Variants in ATXN10 observed in about 807,000 individuals in gnomAD.
ATXN10 encodes ataxin-10.
In ATXN10, 28 loss-of-function variants were observed where a neutral mutation model predicts 52.9. That is an observed-to-expected ratio of 0.53 (90% CI 0.39 to 0.73). The LOEUF is 0.73. ATXN10 is among the 30% of genes least tolerant of loss of function. The pLI is 0.00. For synonymous variants in ATXN10, 226 were observed against 221.5 expected (o/e 1.02, Z -0.18); for missense variants, 565 against 577.0 (o/e 0.98, Z 0.21).
rs1042534141 is a variant in ATXN10, at chr22:45,818,711, C to G, written c.1237+11689C>G. Among the ~76,000 whole-genome samples, 6 of 151,814 alleles carry G rather than the reference C, an allele frequency of 4.0e-5. No individual in the cohort carries two copies. Among genetic ancestry groups the G allele is most frequent in the Non-Finnish European group, 8.8e-5 (6 of 68,002 alleles). On this transcript the variant is annotated intron_variant, in intron 10 of 11. Coordinates refer to ENST00000252934, the MANE Select transcript of ATXN10 (RefSeq NM_013236.4). This position sits in a 1 kb window ranked among gnomAD's most constrained non-coding sequence, Gnocchi z 4.6. ...GGGAAGCTGCTTCCCTGGACTTGCT[C>G]TCGGTTACTTCAGCTGCCTGTCTGC...
intron 9 of ATXN10, among the ~76,000 whole-genome samples, chr22:45,782,741 C>A (rs1601642952): frequency 6.6e-6 from 1 of 152,258 alleles, no homozygotes; most frequent in African/African-American, 2.4e-5. Context: ...AAGATTTGTG[C>A]ACTTTACCGT....
chr22:45,687,856 C>T lies in ATXN10; in HGVS notation c.117-1856C>T, dbSNP rs575063950. Among the ~76,000 whole-genome samples, 27 of 152,176 alleles carry T rather than the reference C, an allele frequency of 1.8e-4. No homozygotes were observed. In the East Asian group the frequency reaches 3.9e-3, roughly 22 times the overall value. ...TAGGCAGATCACGAGATCGGGAGTT[C>T]GAGACCAGCCTGGCTAATGGTGAAA... On this transcript the variant is annotated intron_variant, in intron 1 of 11. Coordinates refer to ENST00000252934, the MANE Select transcript of ATXN10 (RefSeq NM_013236.4).
chr22:45,827,639 A>G (rs1049163133), intron 10 of ATXN10, among the ~76,000 whole-genome samples: 5 of 152,212 alleles, frequency 3.3e-5, no homozygotes, highest in African/African-American at 1.2e-4. Flanking sequence ...ACAGGCCAAA[A>G]TATATGAAGC....
intron 9 of ATXN10, among the ~76,000 whole-genome samples, chr22:45,794,747 TC>T (rs1202469733): frequency 2.0e-5 from 3 of 151,832 alleles, no homozygotes; most frequent in African/African-American, 7.3e-5. Context: ...AAAATGAAGG[TC>T]AAAAAAAAGA....
Position 45,806,944 on chromosome 22 carries a change from C to T in ATXN10, c.1174-15C>T, listed in dbSNP as rs1928118600. 6.2e-7 allele frequency: 1 copy of T among 1,608,388 alleles called. No individual in the cohort carries two copies. The highest frequency in any genetic ancestry group is 1.3e-5 in the African/African-American group (1 of 74,786). On this transcript the variant is annotated splice_polypyrimidine_tract_variant and intron_variant, in intron 9 of 11. Coordinates refer to ENST00000252934, the MANE Select transcript of ATXN10 (RefSeq NM_013236.4). The stretch of plus-strand genomic sequence containing the variant: ...TGCTGTTTTCAGTGTATAAACTTAT[C>T]TTCTTTCTCTCTAGGTAAATGAGCT...
intron 9 of ATXN10, among the ~76,000 whole-genome samples, chr22:45,776,685 A>G (rs1006196486): frequency 6.6e-6 from 1 of 151,030 alleles, no homozygotes; most frequent in Admixed American, 6.6e-5. Flanking sequence ...AATAGAGAAA[A>G]TGAAAATCAT....
At chr22:45,745,305 A>G (rs1051376748) in intron 9 of ATXN10, among the ~76,000 whole-genome samples, 10 of 152,142 alleles carry the variant, frequency 6.6e-5, no homozygotes, top group African/African-American at 1.9e-4. Context: ...AGCTAAGTGC[A>G]TTTTTCAAAT....
rs1328739057 is a variant in ATXN10 at position 45,842,043 on chromosome 22, G to A, written c.1238-948G>A. Among the ~76,000 whole-genome samples the A allele has an allele frequency of 6.6e-6, 1 of 152,070 alleles. No individual in the cohort carries two copies. The highest frequency in any genetic ancestry group is 2.4e-5 in the African/African-American group (1 of 41,400). On this transcript the variant is annotated intron_variant, in intron 10 of 11. Coordinates refer to ENST00000252934, the MANE Select transcript of ATXN10 (RefSeq NM_013236.4). The surrounding 1 kb of genome is among the most constrained non-coding windows in gnomAD (Gnocchi z 4.8). The stretch of plus-strand genomic sequence containing the variant: ...CGTGGGCAGGGAGGTCTCTTTCTTT[G>A]GATAGGTATTTGTTCTACCCTAGGT...
rs148903778 is a variant in ATXN10 at position 45,718,848 on chromosome 22, A to G, written c.728+355A>G. ...CTCATTTGTTTAGGTCATGGGTGTT[A>G]TTATTTGTGATACACTCTGCTAGGT... On this transcript the variant is annotated intron_variant, in intron 6 of 11. Coordinates refer to ENST00000252934, the MANE Select transcript of ATXN10 (RefSeq NM_013236.4). This position sits in a 1 kb window ranked among gnomAD's most constrained non-coding sequence, Gnocchi z 4.4. Among the ~76,000 whole-genome samples the G allele has an allele frequency of 5.3e-5, 8 of 152,272 alleles. No homozygotes were observed. Among genetic ancestry groups the G allele is most frequent in the Non-Finnish European group, 1.0e-4 (7 of 68,010 alleles).
At chr22:45,749,485 C>G (rs1371912263) in intron 9 of ATXN10, among the ~76,000 whole-genome samples, 1 of 152,198 alleles carries the variant, frequency 6.6e-6, no homozygotes, top group Non-Finnish European at 1.5e-5. Flanking sequence ...GCTTTTTCCA[C>G]AATTCTTACT....
At chr22:45,687,832 A>G (rs1218902703) in intron 1 of ATXN10, among the ~76,000 whole-genome samples, 2 of 152,162 alleles carry the variant, frequency 1.3e-5, no homozygotes, top group East Asian at 1.9e-4. Flanking sequence ...AGGCCGAGGT[A>G]GGCAGATCAC....
intron 9 of ATXN10, among the ~76,000 whole-genome samples, chr22:45,804,273 A>G (rs1891599874): frequency 6.6e-6 from 1 of 152,220 alleles, no homozygotes; most frequent in Non-Finnish European, 1.5e-5. Context: ...GTAAAAGGGA[A>G]CCAATAATAC....
chr22:45,681,641 C>T lies in ATXN10; in HGVS notation c.117-8071C>T, dbSNP rs1043378903. On this transcript the variant is annotated intron_variant, in intron 1 of 11. Transcript: ENST00000252934. This position sits in a 1 kb window ranked among gnomAD's most constrained non-coding sequence, Gnocchi z 4.2. ...GGTCAAATCCAACTTGTTACCTTTG[C>T]GACAGTACCCAAATAGCTGAACAAG... Among the ~76,000 whole-genome samples the T allele has an allele frequency of 1.3e-5, 2 of 152,136 alleles. No individual in the cohort carries two copies. Among genetic ancestry groups the T allele is most frequent in the Non-Finnish European group, 2.9e-5 (2 of 68,016 alleles).
At chr22:45,687,761 T>G (rs1923203721) in intron 1 of ATXN10, among the ~76,000 whole-genome samples, 1 of 152,204 alleles carries the variant, frequency 6.6e-6, no homozygotes, top group Non-Finnish European at 1.5e-5. Flanking sequence ...AAAGCTACCT[T>G]AAGAATGTTA....
chr22:45,758,438 C>T (rs758012246), intron 9 of ATXN10, among the ~76,000 whole-genome samples: 1 of 152,170 alleles, frequency 6.6e-6, no homozygotes, highest in Non-Finnish European at 1.5e-5. Flanking sequence ...GTGCTTGGAA[C>T]AAAATACATA....
rs968252884 is a variant in ATXN10 at position 45,833,162 on chromosome 22, C to G, written c.1238-9829C>G. ...ATGAAATGAGAACCTCTCTCCTGTG[C>G]TGACTTTGCAGCATCATAGAGTCCT... On this transcript the variant is annotated intron_variant, in intron 10 of 11. Coordinates refer to ENST00000252934, the MANE Select transcript of ATXN10 (RefSeq NM_013236.4). This position sits in a 1 kb window ranked among gnomAD's most constrained non-coding sequence, Gnocchi z 4.3. Among the ~76,000 whole-genome samples the G allele has an allele frequency of 1.7e-4, 26 of 152,206 alleles. No individual in the cohort carries two copies. Among genetic ancestry groups the G allele is most frequent in the Non-Finnish European group, 2.9e-5 (2 of 68,042 alleles).
At chr22:45,730,114 C>T (rs1280699411) in intron 7 of ATXN10, among the ~76,000 whole-genome samples, 1 of 152,018 alleles carries the variant, frequency 6.6e-6, no homozygotes. Context: ...GAGGCCAAGG[C>T]GGGAGGATCG....
chr22:45,819,057 C>G lies in ATXN10; in HGVS notation c.1237+12035C>G, dbSNP rs1928561046. Among the ~76,000 whole-genome samples, 1 of 152,100 alleles carries G rather than the reference C, an allele frequency of 6.6e-6. No homozygotes were observed. The highest frequency in any genetic ancestry group is 2.4e-5 in the African/African-American group (1 of 41,408). ...TCTAGACCAGTTGTAAGCTTACTAG[C>G]TTAAGAAAGTATTTTAAATTTAGAA... is the stretch of plus-strand genomic sequence containing the variant. On this transcript the variant is annotated intron_variant, in intron 10 of 11. Transcript: ENST00000252934. The surrounding 1 kb of genome is among the most constrained non-coding windows in gnomAD (Gnocchi z 4.5).
chr22:45,767,450 CACA>C (rs1926624682), intron 9 of ATXN10, among the ~76,000 whole-genome samples: 1 of 151,672 alleles, frequency 6.6e-6, no homozygotes, highest in African/African-American at 2.4e-5. Context: ...CACACACACA[CACA>C]CCACACATTT....
Sources: allele counts gnomAD v4.1 joint callset (sites outside exome capture counted in the v4.1 genomes callset), GRCh38; gene constraint gnomAD v4.1.1; non-coding constraint Gnocchi (gnomAD v3.1); transcripts MANE v1.5; gene names NCBI Gene and HGNC (gene_info 2026-07-23, HGNC 2026-07-21).